Variants in IGF2BP3 observed in about 807,000 individuals in gnomAD.
The protein encoded by IGF2BP3 is insulin like growth factor 2 mRNA binding protein 3, also known as insulin-like growth factor 2 mRNA-binding protein 3.
IGF2BP3 carries 9 observed loss-of-function variants against 73.8 expected under a neutral mutation model. That is an observed-to-expected ratio of 0.12 (90% CI 0.07 to 0.21). The LOEUF (loss-of-function observed/expected upper bound fraction) is 0.21. Among genes scored for constraint, IGF2BP3 ranks in the 10% least tolerant of loss-of-function variants. IGF2BP3 has a pLI of 1.00. For synonymous variants in IGF2BP3, 258 were observed against 256.7 expected, an observed-to-expected ratio of 1.01 and a Z score of -0.05; for missense variants, 542 against 714.0, an observed-to-expected ratio of 0.76 and a Z score of 2.75.
At chr7:23,347,434 T>G (rs1784856055) in intron 7 of IGF2BP3, among the ~76,000 whole-genome samples, 166 bp downstream of exon 7, 1 of 152,118 alleles carries the variant, frequency 6.6e-6, no homozygotes, top group African/African-American at 2.4e-5. Context: ...ATTTAAATAT[T>G]AAAAGACATA....
intron 10 of IGF2BP3, among the ~76,000 whole-genome samples, chr7:23,333,109 G>A (rs1305413643): frequency 6.6e-6 from 1 of 152,140 alleles, no homozygotes; most frequent in African/African-American, 2.4e-5. Flanking sequence ...CACATAATCT[G>A]TAAAGATAAA....
intron 3 of IGF2BP3, among the ~76,000 whole-genome samples, chr7:23,383,750 G>C (rs768072307): frequency 6.6e-6 from 1 of 152,094 alleles, no homozygotes; most frequent in African/African-American, 2.4e-5. Flanking sequence ...ACTGACGAAC[G>C]GATAAACAAC....
intron 1 of IGF2BP3, 61 bp from the exon 2 acceptor site, chr7:23,468,603 C>A (rs928913664): frequency 2.0e-6 from 3 of 1,536,752 alleles, no homozygotes; most frequent in Non-Finnish European, 2.7e-6. Context: ...TGCCCGAAGA[C>A]CCGCACAGCC....
intron 5 of IGF2BP3, among the ~76,000 whole-genome samples, chr7:23,359,149 G>C (rs1223144259): frequency 6.6e-6 from 1 of 152,168 alleles, no homozygotes; most frequent in Non-Finnish European, 1.5e-5. Context: ...AAAGAATTTT[G>C]AGAACACCAG....
intron 2 of IGF2BP3, among the ~76,000 whole-genome samples, chr7:23,447,518 G>C (rs376987343): frequency 2.5e-4 from 38 of 150,034 alleles, no homozygotes; most frequent in East Asian, 8.1e-4. Context: ...CCAGCTACTC[G>C]GGAGGCTGAG....
chr7:23,423,491 T>C (rs1787409283), intron 2 of IGF2BP3, among the ~76,000 whole-genome samples: 1 of 152,226 alleles, frequency 6.6e-6, no homozygotes, highest in African/African-American at 2.4e-5. Flanking sequence ...TATCAGAAAA[T>C]AAATTAGCAT....
intron 2 of IGF2BP3, among the ~76,000 whole-genome samples, chr7:23,445,095 T>C (rs1788029338): frequency 6.6e-6 from 1 of 152,148 alleles, no homozygotes; most frequent in Non-Finnish European, 1.5e-5. Flanking sequence ...CAGTAAGGTA[T>C]GGTGCTAAGT....
At chr7:23,317,829 T>A (rs961356452) in intron 11 of IGF2BP3, 116 bp from the exon 12 acceptor site, 10 of 817,448 alleles carry the variant, frequency 1.2e-5, no homozygotes, top group Non-Finnish European at 1.9e-5. Context: ...AAAGCCTTCG[T>A]GAAGGAAATT....
intron 14 of IGF2BP3, 67 bp from the exon 15 acceptor site, chr7:23,312,527 A>C (rs1349232147): frequency 1.8e-6 from 2 of 1,097,628 alleles, no homozygotes; most frequent in African/African-American, 3.1e-5. Context: ...GTACTCCTTC[A>C]TTTCAACAAT....
Position 23,390,956 on chromosome 7 carries a change from G to A in IGF2BP3, c.285+27820C>T, listed in dbSNP as rs151265264. Among the ~76,000 whole-genome samples the A allele has an allele frequency of 8.2e-3, 1,228 of 149,940 alleles. 6 individuals carry two copies. Among genetic ancestry groups the A allele is most frequent in the Admixed American group, 0.014 (203 of 15,008 alleles). On this transcript the variant is annotated intron_variant, in intron 3 of 14. Transcript: ENST00000258729. ...TGGGATCACAAGCACCCACCACTAC[G>A]CCAGCTAATTTTTTGTATTTTTAGT...
intron 2 of IGF2BP3, among the ~76,000 whole-genome samples, chr7:23,460,178 C>CAAAAAAAAAAAAAA (rs757381858): frequency 1.8e-5 from 1 of 55,180 alleles, no homozygotes; most frequent in African/African-American, 7.4e-5. Context: ...GACCCTGCCT[C>CAAAAAAAAAAAAAA]AAAAAAAAAA....
intron 2 of IGF2BP3, among the ~76,000 whole-genome samples, chr7:23,443,102 A>ATTTTTTTTT: frequency 1.2e-5 from 1 of 85,816 alleles, no homozygotes; most frequent in Non-Finnish European, 2.1e-5. Context: ...CATTACAGTG[A>ATTTTTTTTT]TTTTTTTTTT....
Position 23,470,217 on chromosome 7 carries a change from C to T in IGF2BP3, c.-107G>A. The T allele has an allele frequency of 4.8e-6, 4 of 827,086 alleles. No individual in the cohort carries two copies. The highest frequency in any genetic ancestry group is 1.8e-5 in the South Asian group (1 of 54,088). The allele number at this position is 827,086 out of a possible 1,614,324, so 51.2% of individuals were successfully genotyped here. ...GGTTTTGTTCCCCTCGTCTTCTCGC[C>T]TTTAAAATACACAAACACAGTAAGA... On this transcript the variant is annotated 5_prime_UTR_variant, in exon 1 of 15. Transcript: ENST00000258729.
chr7:23,356,918 G>A (rs527738860), intron 5 of IGF2BP3, among the ~76,000 whole-genome samples: 1 of 152,278 alleles, frequency 6.6e-6, no homozygotes, highest in East Asian at 1.9e-4. Context: ...AAACTGTGGT[G>A]AGGATCCAAC....
intron 2 of IGF2BP3, among the ~76,000 whole-genome samples, chr7:23,438,126 T>G (rs560668034): frequency 6.6e-6 from 1 of 152,360 alleles, no homozygotes; most frequent in African/African-American, 2.4e-5. Context: ...ACTTTCAAAT[T>G]TTAATTTTTT....
At chr7:23,379,102 A>C (rs1237558845) in intron 3 of IGF2BP3, among the ~76,000 whole-genome samples, 2 of 152,200 alleles carry the variant, frequency 1.3e-5, no homozygotes, top group East Asian at 3.8e-4. Context: ...TATGATGGAC[A>C]TGTGTTTCAT....
intron 2 of IGF2BP3, among the ~76,000 whole-genome samples, chr7:23,454,187 G>A (rs899817928): frequency 2.6e-5 from 4 of 151,860 alleles, no homozygotes; most frequent in South Asian, 2.1e-4. Flanking sequence ...CTCATCCTTC[G>A]TTCATTTTTA....
chr7:23,314,626 G>A (rs1783927313), intron 12 of IGF2BP3, among the ~76,000 whole-genome samples: 2 of 151,994 alleles, frequency 1.3e-5, no homozygotes, highest in Admixed American at 1.3e-4. Context: ...TTGAGCAAAA[G>A]AGACAGAACT....
chr7:23,343,627 A>T, intron 9 of IGF2BP3, 91 bp downstream of exon 9: 1 of 1,257,612 alleles, frequency 8.0e-7, no homozygotes, highest in Non-Finnish European at 1.1e-6. Flanking sequence ...TCTAGTGATA[A>T]TGCCACAAAA....
Sources: allele counts gnomAD v4.1 joint callset (sites outside exome capture counted in the v4.1 genomes callset), GRCh38; gene constraint gnomAD v4.1.1; transcripts MANE v1.5; gene names NCBI Gene and HGNC (gene_info 2026-07-23, HGNC 2026-07-21).